Variants in KMT2C observed in about 807,000 individuals in gnomAD.
KMT2C encodes lysine methyltransferase 2C, also known as histone-lysine N-methyltransferase 2C.
Under a neutral mutation model 507.9 loss-of-function variants are expected in KMT2C, and 88 were observed. That is an observed-to-expected ratio of 0.17 (90% CI 0.15 to 0.21). KMT2C has a LOEUF of 0.21. Ranked by LOEUF, KMT2C falls within the 10% of genes least tolerant of loss-of-function variation. KMT2C has a pLI of 1.00. For synonymous variants in KMT2C, 2,049 were observed against 2,080.8 expected, an observed-to-expected ratio of 0.98 and a Z score of 0.42; for missense variants, 4,954 against 5,957.8, an observed-to-expected ratio of 0.83 and a Z score of 5.55.
chr7:152,351,617 G>A (rs535873983), intron 2 of KMT2C, among the ~76,000 whole-genome samples: 3 of 152,292 alleles, frequency 2.0e-5, no homozygotes, highest in East Asian at 1.9e-4. Context: ...CAAACTGAGG[G>A]ACCGGCTGAA....
chr7:152,262,799 A>G (rs538699177), intron 9 of KMT2C, among the ~76,000 whole-genome samples: 3 of 152,318 alleles, frequency 2.0e-5, no homozygotes, highest in Non-Finnish European at 4.4e-5. Flanking sequence ...GAACAGCCAC[A>G]AAGCAAGCCA....
intron 31 of KMT2C, among the ~76,000 whole-genome samples, chr7:152,191,577 C>G (rs1434439472): frequency 2.0e-5 from 3 of 152,174 alleles, no homozygotes; most frequent in Non-Finnish European, 4.4e-5. Flanking sequence ...CAAATTTATT[C>G]CCAATATTGA....
At chr7:152,359,287 T>TG (rs1238710166) in intron 1 of KMT2C, among the ~76,000 whole-genome samples, 2 of 129,900 alleles carry the variant, frequency 1.5e-5, no homozygotes, top group Admixed American at 7.7e-5. Context: ...AGAAAGCAAT[T>TG]GAAAAAAAAA....
In KMT2C at chr7:152,224,193, C is replaced by A. The variant is rs918663098; in HGVS notation, c.3159-14G>T. On this transcript the variant is annotated splice_polypyrimidine_tract_variant and intron_variant, in intron 19 of 58. Coordinates refer to ENST00000262189, the MANE Select transcript of KMT2C (RefSeq NM_170606.3). The stretch of plus-strand genomic sequence containing the variant: ...CACCAAACACACCTGAAATCCAAAT[C>A]CCCCCGAAAAGTCTCAATTTTATTT... The A allele has an allele frequency of 5.0e-6, 8 of 1,593,040 alleles. No individual in the cohort carries two copies. In the African/African-American group the frequency reaches 5.4e-5, roughly 11 times the overall value.
chr7:152,144,439 T>C lies in KMT2C; in HGVS notation c.14343+274A>G, dbSNP rs894446402. ...ACTCCACAAATCCAGTGTGTGCAAA[T>C]TACAATGCTACCTGCCTCCCAGGAG... On this transcript the variant is annotated intron_variant, in intron 55 of 58. Transcript: ENST00000262189. This position sits in a 1 kb window ranked among gnomAD's most constrained non-coding sequence, Gnocchi z 4.4. Among the ~76,000 whole-genome samples the C allele has an allele frequency of 5.9e-5, 9 of 152,184 alleles. No homozygotes were observed. The highest frequency in any genetic ancestry group is 2.2e-4 in the African/African-American group (9 of 41,446).
At chr7:152,218,900 C>A (rs894383145) in intron 23 of KMT2C, among the ~76,000 whole-genome samples, 4 of 152,128 alleles carry the variant, frequency 2.6e-5, no homozygotes, top group Non-Finnish European at 5.9e-5. Flanking sequence ...ACTCACTCAC[C>A]TCTTTAAAAT....
At chr7:152,361,263 T>G (rs894987405) in intron 1 of KMT2C, among the ~76,000 whole-genome samples, 1 of 152,074 alleles carries the variant, frequency 6.6e-6, no homozygotes, top group African/African-American at 2.4e-5. Flanking sequence ...TAGAATTTAT[T>G]AAGTAGTTGT....
At chr7:152,191,625 A>T (rs1463683969) in intron 31 of KMT2C, among the ~76,000 whole-genome samples, 2 of 152,220 alleles carry the variant, frequency 1.3e-5, no homozygotes, top group Non-Finnish European at 2.9e-5. Context: ...AAGTGATCAG[A>T]TCACACCAGT....
At chr7:152,249,449 A>T (rs1363893913) in intron 13 of KMT2C, among the ~76,000 whole-genome samples, 3 of 150,050 alleles carry the variant, frequency 2.0e-5, no homozygotes, top group African/African-American at 4.9e-5. Flanking sequence ...TCAGCCTCCC[A>T]AGCTGCTGGG....
intron 3 of KMT2C, among the ~76,000 whole-genome samples, chr7:152,324,474 A>C (rs1339022352): frequency 6.6e-6 from 1 of 151,958 alleles, no homozygotes; most frequent in Non-Finnish European, 1.5e-5. Flanking sequence ...TTCAAAAATA[A>C]TAAATGTATC....
intron 1 of KMT2C, among the ~76,000 whole-genome samples, chr7:152,381,516 C>T (rs899582252): frequency 4.4e-4 from 67 of 152,198 alleles, no homozygotes; most frequent in African/African-American, 1.3e-3. Flanking sequence ...AAGAGCAACA[C>T]ATTTCTATTC....
At chr7:152,397,670 G>A (rs967148746) in intron 1 of KMT2C, among the ~76,000 whole-genome samples, 7 of 152,060 alleles carry the variant, frequency 4.6e-5, no homozygotes, top group African/African-American at 1.2e-4. Flanking sequence ...TAATTCCCAC[G>A]TGTTGTGGAA....
At chr7:152,435,077 G>C (rs890335204) in intron 1 of KMT2C, among the ~76,000 whole-genome samples, 1 of 152,084 alleles carries the variant, frequency 6.6e-6, no homozygotes, top group Non-Finnish European at 1.5e-5. Flanking sequence ...AGAAAACACA[G>C]GTTTGGGACC....
At chr7:152,380,753 A>C (rs554676246) in intron 1 of KMT2C, among the ~76,000 whole-genome samples, 68 of 152,282 alleles carry the variant, frequency 4.5e-4, no homozygotes, top group African/African-American at 1.6e-3. Flanking sequence ...AAATAAAAGG[A>C]TAGGTAGGAT....
At chr7:152,384,538 C>T (rs959410761) in intron 1 of KMT2C, among the ~76,000 whole-genome samples, 1 of 29,756 alleles carries the variant, frequency 3.4e-5, no homozygotes, top group Non-Finnish European at 7.8e-5. Context: ...TATTATCCCC[C>T]ATGTGCATAA....
At chr7:152,157,110 C>T (rs1399102234) in intron 44 of KMT2C, among the ~76,000 whole-genome samples, 3 of 149,972 alleles carry the variant, frequency 2.0e-5, no homozygotes, top group Non-Finnish European at 4.4e-5. Flanking sequence ...TTTTTGGAGA[C>T]AGAGACTTGC....
intron 1 of KMT2C, among the ~76,000 whole-genome samples, chr7:152,415,753 GC>G (rs1284782120): frequency 6.6e-6 from 1 of 152,134 alleles, no homozygotes; most frequent in Non-Finnish European, 1.5e-5. Flanking sequence ...GGTGGTGGAT[GC>G]CTGTAATCCC....
In KMT2C at chr7:152,225,399, A is replaced by C. The variant is rs1448273091; in HGVS notation, c.2977-783T>G. On this transcript the variant is annotated intron_variant, in intron 18 of 58. Transcript: ENST00000262189. ...AAGAAAATAAAAGAGTTAAATTCAAAGGAACACCCATCAGAATGGCACCAA... is the reference window on the plus strand; with the variant it reads ...AAGAAAATAAAAGAGTTAAATTCAACGGAACACCCATCAGAATGGCACCAA... Among the ~76,000 whole-genome samples, 3 of 152,250 alleles carry C rather than the reference A, an allele frequency of 2.0e-5. No individual in the cohort carries two copies. The East Asian group carries it at 5.8e-4, about 29-fold the overall frequency.
At chr7:152,192,728 T>C (rs1052961758) in intron 31 of KMT2C, among the ~76,000 whole-genome samples, 1 of 152,186 alleles carries the variant, frequency 6.6e-6, no homozygotes, top group African/African-American at 2.4e-5. Context: ...TTCATGTATA[T>C]ACAAAGTTGT....
Sources: allele counts gnomAD v4.1 joint callset (sites outside exome capture counted in the v4.1 genomes callset), GRCh38; gene constraint gnomAD v4.1.1; non-coding constraint Gnocchi (gnomAD v3.1); transcripts MANE v1.5; gene names NCBI Gene and HGNC (gene_info 2026-07-23, HGNC 2026-07-21).